TOM1L2: variants seen among roughly 807,000 people sequenced by gnomAD.
TOM1L2 encodes the protein target of myb1 like 2 membrane trafficking protein.
A neutral mutation model predicts 67.9 loss-of-function variants in TOM1L2; 31 were observed. The observed-to-expected ratio is 0.46, with a 90% CI of 0.34 to 0.62. The LOEUF (loss-of-function observed/expected upper bound fraction) is 0.62, where lower values mean the gene tolerates loss of function less well. TOM1L2 is among the 20% of genes least tolerant of loss of function. The probability of loss-of-function intolerance (pLI) is 0.01; values close to 1 mark genes in which losing one functional copy is unlikely to be tolerated. For missense variants in TOM1L2, 606 were observed against 663.5 expected (o/e 0.91, Z 0.95); for synonymous variants, 256 against 254.0 (o/e 1.01, Z -0.07).
At chr17:17,869,653 C>A in intron 7 of TOM1L2, 180 bp from the exon 8 acceptor site, 1 of 1,385,680 alleles carries the variant, frequency 7.2e-7, no homozygotes, top group Non-Finnish European at 9.3e-7. Context: ...GCCCCTCCTT[C>A]CGCAGAGGAA....
chr17:17,892,296 T>A (rs567305364), intron 4 of TOM1L2, among the ~76,000 whole-genome samples: 12 of 152,248 alleles, frequency 7.9e-5, no homozygotes, highest in Non-Finnish European at 1.8e-4. Context: ...ACTTCCTGCA[T>A]TCTCCGCTGC....
At chr17:17,848,354 T>C (rs1237520798) in intron 14 of TOM1L2, among the ~76,000 whole-genome samples, 2 of 151,654 alleles carry the variant, frequency 1.3e-5, no homozygotes, top group African/African-American at 4.9e-5. Flanking sequence ...AAGATGAGCT[T>C]GGGGAGGCAG....
chr17:17,914,088 T>A (rs957192849), intron 1 of TOM1L2, among the ~76,000 whole-genome samples: 1 of 152,188 alleles, frequency 6.6e-6, no homozygotes, highest in African/African-American at 2.4e-5. Context: ...GCTGCTGGAT[T>A]TATGGCTGCA....
intron 1 of TOM1L2, among the ~76,000 whole-genome samples, chr17:17,919,494 A>G (rs1430451217): frequency 1.3e-5 from 2 of 152,194 alleles, no homozygotes; most frequent in Admixed American, 6.5e-5. Context: ...GAAGCCCCCA[A>G]ACTTGGCTTG....
At chr17:17,912,701 A>C (rs568840437) in intron 1 of TOM1L2, among the ~76,000 whole-genome samples, 10 of 145,954 alleles carry the variant, frequency 6.9e-5, no homozygotes, top group Admixed American at 1.4e-4. Flanking sequence ...CACTTCCCAG[A>C]CTGGGCAGCC....
intron 7 of TOM1L2, 72 bp downstream of exon 7, chr17:17,879,555 G>A (rs1379203746): frequency 8.1e-7 from 1 of 1,241,670 alleles, no homozygotes; most frequent in East Asian, 2.3e-5. Flanking sequence ...TGTGTCCCCG[G>A]GTGGGATCCT....
intron 10 of TOM1L2, among the ~76,000 whole-genome samples, chr17:17,864,508 C>CTT (rs1170977424): frequency 2.1e-5 from 3 of 139,888 alleles, no homozygotes; most frequent in Non-Finnish European, 4.7e-5. Flanking sequence ...CCGCACCCGG[C>CTT]TTTTTTTTTT....
intron 1 of TOM1L2, among the ~76,000 whole-genome samples, chr17:17,934,040 C>T (rs11656840): frequency 0.49 from 74,045 of 152,026 alleles, 19,095 homozygotes; most frequent in East Asian, 0.86. Context: ...AAAAAAAAAT[C>T]TGAGTAGGCA....
At chr17:17,904,181 C>G (rs1349718748) in intron 2 of TOM1L2, among the ~76,000 whole-genome samples, 2 of 152,098 alleles carry the variant, frequency 1.3e-5, no homozygotes, top group African/African-American at 4.8e-5. Context: ...AGAAAACATT[C>G]TCAGGAATCA....
intron 1 of TOM1L2, among the ~76,000 whole-genome samples, chr17:17,930,789 G>A (rs985118465): frequency 2.6e-5 from 4 of 152,230 alleles, no homozygotes; most frequent in Non-Finnish European, 5.9e-5. Flanking sequence ...AGATAAGACA[G>A]TTATTGCAAC....
intron 4 of TOM1L2, among the ~76,000 whole-genome samples, chr17:17,891,047 C>G (rs2038246019): frequency 6.6e-6 from 1 of 152,174 alleles, no homozygotes; most frequent in Non-Finnish European, 1.5e-5. Context: ...GGTTATCAAC[C>G]CCCATCTAGG....
chr17:17,861,902 G>T, intron 11 of TOM1L2: 1 of 191,062 alleles, frequency 5.2e-6, no homozygotes, highest in Non-Finnish European at 1.1e-5. Flanking sequence ...TAAACACAAA[G>T]TAACATTAAT....
At chr17:17,914,462 C>T (rs1448273406) in intron 1 of TOM1L2, among the ~76,000 whole-genome samples, 2 of 152,192 alleles carry the variant, frequency 1.3e-5, no homozygotes, top group South Asian at 2.1e-4. Context: ...TCCTTGCTGG[C>T]TTTATGACTT....
At position 17,847,487 on chromosome 17, in the gene TOM1L2, G is replaced by C; in HGVS notation, c.*148C>G. ...TGGCTGAAGCTGGTCCTGACTAGTG[G>C]GAGGCCTGGGAGCAGACACGGTGGC... On this transcript the variant is annotated 3_prime_UTR_variant, in exon 15 of 15. Transcript: ENST00000379504. 1.9e-6 allele frequency: 2 copies of C among 1,058,190 alleles called. No individual in the cohort carries two copies. Among genetic ancestry groups the C allele is most frequent in the South Asian group, 3.3e-5 (2 of 61,434 alleles). The allele number at this position is 1,058,190 out of a possible 1,614,324, so 65.6% of individuals were successfully genotyped here.
intron 6 of TOM1L2, 22 bp from the exon 7 acceptor site, chr17:17,879,765 G>T (rs747447159): frequency 1.3e-6 from 2 of 1,595,758 alleles, no homozygotes; most frequent in East Asian, 4.5e-5. Flanking sequence ...CACGAGGAAG[G>T]AAAGCAGGAA....
intron 12 of TOM1L2, 124 bp downstream of exon 12, chr17:17,861,352 T>A: frequency 1.2e-6 from 1 of 851,156 alleles, no homozygotes; most frequent in African/African-American, 1.7e-5. Flanking sequence ...CGTGGGTCTC[T>A]CCCCCAGGGT....
intron 1 of TOM1L2, among the ~76,000 whole-genome samples, chr17:17,962,140 T>C (rs1245597132): frequency 1.3e-5 from 2 of 152,230 alleles, no homozygotes; most frequent in Non-Finnish European, 2.9e-5. Flanking sequence ...ATGATTCCAT[T>C]TATATGAGGT....
At chr17:17,869,756 G>C (rs911937055) in intron 7 of TOM1L2, 7 of 1,034,732 alleles carry the variant, frequency 6.8e-6, no homozygotes, top group Non-Finnish European at 8.4e-6. Flanking sequence ...ATTAAAATGT[G>C]ATTCTTTCCA....
At chr17:17,872,442 A>G (rs1051635273) in intron 7 of TOM1L2, among the ~76,000 whole-genome samples, 3 of 152,196 alleles carry the variant, frequency 2.0e-5, no homozygotes, top group Non-Finnish European at 4.4e-5. Context: ...TTCCTAAAAG[A>G]AAAAAAGGAT....
Sources: allele counts gnomAD v4.1 joint callset (sites outside exome capture counted in the v4.1 genomes callset), GRCh38; gene constraint gnomAD v4.1.1; transcripts MANE v1.5; gene names NCBI Gene and HGNC (gene_info 2026-07-23, HGNC 2026-07-21).